Variants in GLRA2 observed in about 807,000 individuals in gnomAD.
The protein encoded by GLRA2 is glycine receptor subunit alpha-2.
A neutral mutation model predicts 31.6 loss-of-function variants in GLRA2; 11 were observed. That is an observed-to-expected ratio of 0.35 (90% CI 0.22 to 0.58). The LOEUF (loss-of-function observed/expected upper bound fraction) is 0.58. Among genes scored for constraint, GLRA2 ranks in the 20% least tolerant of loss-of-function variants. The pLI, the probability that GLRA2 is intolerant of heterozygous loss-of-function variation, is 0.84. For synonymous variants in GLRA2, 132 were observed against 134.0 expected (o/e 0.99, Z 0.10); for missense variants, 212 against 351.8 (o/e 0.60, Z 3.18).
At chrX:14,666,725 A>T (rs1348109943) in intron 7 of GLRA2, among the ~76,000 whole-genome samples, 1 of 112,090 alleles carries the variant, frequency 8.9e-6, no homozygotes, top group Non-Finnish European at 1.9e-5. Flanking sequence ...TATTTCACAG[A>T]TATCTCAATA....
chrX:14,622,405 G>T (rs1334629252), intron 7 of GLRA2, among the ~76,000 whole-genome samples: 1 of 111,829 alleles, frequency 8.9e-6, no homozygotes, highest in Non-Finnish European at 1.9e-5. Context: ...TGTTGCCATT[G>T]CTTTTGGTGT....
intron 8 of GLRA2, among the ~76,000 whole-genome samples, chrX:14,700,114 T>C (rs964758580): frequency 1.8e-5 from 2 of 111,162 alleles, no homozygotes; most frequent in Admixed American, 9.6e-5. Flanking sequence ...CAGTGTGGGA[T>C]AGGTGAAATG....
chrX:14,701,180 C>T lies in GLRA2; in HGVS notation c.1080+10321C>T, dbSNP rs144130295. Reference sequence around the variant, plus strand: ...AAAACTTTGAAATGTTTGTGAATTGCGAAATACATCACCAGGAACCCACAG... The same window carrying T: ...AAAACTTTGAAATGTTTGTGAATTGTGAAATACATCACCAGGAACCCACAG... On this transcript the variant is annotated intron_variant, in intron 8 of 8. Transcript: ENST00000218075. 3.9e-4 allele frequency among the ~76,000 whole-genome samples: 43 copies of T among 110,512 alleles called. No homozygotes were observed. The East Asian group carries it at 7.1e-3, about 18-fold the overall frequency.
At chrX:14,620,621 G>A (rs2090504370) in intron 7 of GLRA2, among the ~76,000 whole-genome samples, 1 of 111,119 alleles carries the variant, frequency 9.0e-6, no homozygotes, top group Non-Finnish European at 1.9e-5. Flanking sequence ...ACAAACTAAA[G>A]CAAACCATTT....
chrX:14,464,270 G>A, the GLRA2 span, among the ~76,000 whole-genome samples: 2 of 111,746 alleles, frequency 1.8e-5, no homozygotes, highest in African/African-American at 6.5e-5. Flanking sequence ...CCAATATCCT[G>A]GAGCATCTCT....
chrX:14,603,042 T>C (rs988249402), intron 4 of GLRA2, among the ~76,000 whole-genome samples: 1 of 110,439 alleles, frequency 9.1e-6, no homozygotes, highest in African/African-American at 3.3e-5. Context: ...ACATTCCCTG[T>C]AGAAAGGTTC....
At chrX:14,620,684 T>C (rs2090505258) in intron 7 of GLRA2, among the ~76,000 whole-genome samples, 1 of 110,931 alleles carries the variant, frequency 9.0e-6, no homozygotes, top group African/African-American at 3.3e-5. Context: ...TTTCCAAAAA[T>C]GACTATAACT....
chrX:14,705,005 T>G (rs2091600076), intron 8 of GLRA2, among the ~76,000 whole-genome samples: 1 of 111,587 alleles, frequency 9.0e-6, no homozygotes, highest in African/African-American at 3.3e-5. Flanking sequence ...AGGGAGGAGA[T>G]TCTCAAGAAA....
At chrX:14,552,832 G>T (rs1171482910) in intron 2 of GLRA2, among the ~76,000 whole-genome samples, 3 of 111,859 alleles carry the variant, frequency 2.7e-5, no homozygotes, top group Non-Finnish European at 3.8e-5. Context: ...CAAAATTAGA[G>T]ACTCTTTAAA....
chrX:14,493,593 A>G, the GLRA2 span, among the ~76,000 whole-genome samples: 1 of 102,645 alleles, frequency 9.7e-6, no homozygotes, highest in East Asian at 2.9e-4. Flanking sequence ...ATACACATAT[A>G]TACATATATA....
chrX:14,672,540 T>G (rs752355804), intron 7 of GLRA2, among the ~76,000 whole-genome samples: 7 of 107,620 alleles, frequency 6.5e-5, no homozygotes, highest in African/African-American at 2.3e-4. Flanking sequence ...AAATAGGTAT[T>G]TAACTATTAA....
the GLRA2 span, among the ~76,000 whole-genome samples, chrX:14,467,252 C>T: frequency 2.3e-4 from 26 of 111,863 alleles, no homozygotes; most frequent in Non-Finnish European, 4.3e-4. Context: ...CAAATAAATG[C>T]CTTTGTAACA....
In GLRA2 at chrX:14,577,406, C is replaced by T. The variant is rs182147099; in HGVS notation, c.270+3006C>T. Among the ~76,000 whole-genome samples the T allele has an allele frequency of 1.2e-3, 140 of 112,911 alleles. 1 individual carries two copies. The highest frequency in any genetic ancestry group is 4.3e-3 in the African/African-American group (133 of 31,181). On this transcript the variant is annotated intron_variant, in intron 3 of 8. Transcript: ENST00000218075. ...GAGAATTGCTCCAACAAGAAAGGGC[C>T]TCATCTTCCAAGATAATTGAGGCCC...
At chrX:14,461,249 G>A in the GLRA2 span, among the ~76,000 whole-genome samples, 2 of 111,840 alleles carry the variant, frequency 1.8e-5, no homozygotes, top group African/African-American at 3.3e-5. Flanking sequence ...TACATTTGCT[G>A]AGGAGTGTTT....
chrX:14,482,804 T>A, the GLRA2 span, among the ~76,000 whole-genome samples: 2 of 111,086 alleles, frequency 1.8e-5, no homozygotes, highest in South Asian at 7.7e-4. Context: ...GTATTTTTTA[T>A]GTGCCAGGCA....
chrX:14,629,595 G>A (rs1038378581), intron 7 of GLRA2, among the ~76,000 whole-genome samples: 5 of 111,544 alleles, frequency 4.5e-5, no homozygotes, highest in Admixed American at 1.9e-4. Flanking sequence ...GATTTCCTAT[G>A]ACTGTTGATA....
At chrX:14,466,076 C>T in the GLRA2 span, among the ~76,000 whole-genome samples, 2 of 111,721 alleles carry the variant, frequency 1.8e-5, no homozygotes, top group East Asian at 5.6e-4. Flanking sequence ...ACAACCTACA[C>T]CTAATTGCTC....
the GLRA2 span, among the ~76,000 whole-genome samples, chrX:14,467,741 A>G: frequency 9.0e-6 from 1 of 111,175 alleles, no homozygotes; most frequent in Admixed American, 9.6e-5. Flanking sequence ...CAGTTCCCAG[A>G]TGAGTAGTGA....
the GLRA2 span, among the ~76,000 whole-genome samples, chrX:14,507,517 GA>G: frequency 9.1e-6 from 1 of 110,261 alleles, no homozygotes. Flanking sequence ...GGTCTGTGAT[GA>G]AAAAGTACAG....
Sources: allele counts gnomAD v4.1 joint callset (sites outside exome capture counted in the v4.1 genomes callset), GRCh38; gene constraint gnomAD v4.1.1; transcripts MANE v1.5; gene names NCBI Gene and HGNC (gene_info 2026-07-23, HGNC 2026-07-21).